PPP2R2B: variants seen among roughly 807,000 people sequenced by gnomAD.
The protein encoded by PPP2R2B is serine/threonine-protein phosphatase 2A 55 kDa regulatory subunit B beta isoform.
A neutral mutation model predicts 46.0 loss-of-function variants in PPP2R2B; 5 were observed. The ratio of observed to expected loss-of-function variants is 0.11; its 90% confidence interval spans 0.06 to 0.23. The LOEUF is 0.23. Among genes scored for constraint, PPP2R2B ranks in the 10% least tolerant of loss-of-function variants. PPP2R2B has a pLI of 1.00. For missense variants in PPP2R2B, 367 were observed against 575.0 expected (o/e 0.64, Z 3.70); for synonymous variants, 215 against 206.7 (o/e 1.04, Z -0.34).
chr5:147,008,042 ATTC>A (rs1302821633), intron 1 of PPP2R2B, among the ~76,000 whole-genome samples: 16 of 152,324 alleles, frequency 1.1e-4, no homozygotes, highest in African/African-American at 3.6e-4. Flanking sequence ...CTTTGGATCG[ATTC>A]TTCTTATTTA....
Position 146,940,286 on chromosome 5 carries a change from C to T in PPP2R2B, c.79+115379G>A, listed in dbSNP as rs76731372. Among the ~76,000 whole-genome samples the T allele has an allele frequency of 5.8e-3, 876 of 152,226 alleles. 29 individuals are homozygous for T. The East Asian group carries it at 0.068, about 12-fold the overall frequency. ...CAGATTCAGGCCTGGATGATTGAAG[C>T]GCCACATCTACTTGGCCAGGATAGT... On this transcript the variant is annotated intron_variant, in intron 1 of 8. Coordinates refer to the PPP2R2B transcript ENST00000336640.
chr5:146,888,393 A>G (rs1421860173), intron 1 of PPP2R2B, among the ~76,000 whole-genome samples: 2 of 151,978 alleles, frequency 1.3e-5, no homozygotes, highest in African/African-American at 4.8e-5. Flanking sequence ...ACTTTGAAAT[A>G]TGTCCAGAAT....
intron 1 of PPP2R2B, among the ~76,000 whole-genome samples, chr5:146,996,552 G>C (rs1034246742): frequency 5.3e-5 from 8 of 152,148 alleles, no homozygotes; most frequent in African/African-American, 1.7e-4. Flanking sequence ...TAGGAGTATG[G>C]TTTGCCCATA....
chr5:146,822,698 C>G (rs1049439801), intron 2 of PPP2R2B, among the ~76,000 whole-genome samples: 1 of 152,138 alleles, frequency 6.6e-6, no homozygotes, highest in Non-Finnish European at 1.5e-5. Context: ...CTTCCTCCCA[C>G]AGATTATTAT....
At chr5:146,799,128 G>A (rs1410423274) in intron 2 of PPP2R2B, among the ~76,000 whole-genome samples, 1 of 152,220 alleles carries the variant, frequency 6.6e-6, no homozygotes, top group East Asian at 1.9e-4. Flanking sequence ...CTTAGATGGA[G>A]TTATGATTTC....
chr5:146,719,803 T>TTTTTTTTTTTTTTTTTTTTTTTTTTG (rs1418579202), intron 2 of PPP2R2B, among the ~76,000 whole-genome samples: 2 of 152,022 alleles, frequency 1.3e-5, no homozygotes, highest in African/African-American at 4.8e-5. Flanking sequence ...AATGAGTTTC[T>TTTTTTTTTTTTTTTTTTTTTTTTTTG]ATCATCTAAA....
chr5:146,909,083 G>A (rs1763096791), intron 1 of PPP2R2B, among the ~76,000 whole-genome samples: 1 of 152,218 alleles, frequency 6.6e-6, no homozygotes, highest in Admixed American at 6.5e-5. Context: ...TTCCCCTGCA[G>A]CTAAGAGAGG....
intron 2 of PPP2R2B, among the ~76,000 whole-genome samples, chr5:146,701,768 T>C (rs1779552967): frequency 6.6e-6 from 1 of 152,108 alleles, no homozygotes; most frequent in African/African-American, 2.4e-5. Context: ...AGAAGGGTGC[T>C]GAGAAAACAA....
intron 4 of PPP2R2B, among the ~76,000 whole-genome samples, chr5:146,693,131 C>A (rs1778973122): frequency 6.6e-6 from 1 of 151,624 alleles, no homozygotes; most frequent in Admixed American, 6.6e-5. Context: ...CTCCTTCCTT[C>A]CCTCCCTCCC....
chr5:146,849,108 G>T (rs551387164), intron 2 of PPP2R2B, among the ~76,000 whole-genome samples: 2 of 151,794 alleles, frequency 1.3e-5, no homozygotes, highest in Non-Finnish European at 2.9e-5. Flanking sequence ...TTTGCTACTA[G>T]TAGCATCAGA....
intron 2 of PPP2R2B, among the ~76,000 whole-genome samples, chr5:146,718,290 A>C (rs1467926686): frequency 6.6e-6 from 1 of 152,078 alleles, no homozygotes; most frequent in Non-Finnish European, 1.5e-5. Context: ...CAGGAGGCTG[A>C]GGTGGGAAGA....
At chr5:147,017,428 G>A (rs1280506819) in intron 1 of PPP2R2B, among the ~76,000 whole-genome samples, 1 of 151,508 alleles carries the variant, frequency 6.6e-6, no homozygotes. Context: ...ATTCGAGCTG[G>A]AGATAACATT....
At chr5:146,930,008 C>T (rs556758520) in intron 1 of PPP2R2B, among the ~76,000 whole-genome samples, 5 of 152,260 alleles carry the variant, frequency 3.3e-5, no homozygotes, top group African/African-American at 4.8e-5. Context: ...GATTAGAAAT[C>T]GGTCCCTGGT....
In PPP2R2B at chr5:146,644,776, A is replaced by G. The variant is rs75601738; in HGVS notation, c.625+5771T>C. Among the ~76,000 whole-genome samples the G allele has an allele frequency of 6.3e-3, 964 of 152,332 alleles. 22 individuals carry two copies. Among genetic ancestry groups the G allele is most frequent in the Admixed American group, 0.041 (628 of 15,292 alleles). ...TTTGATTATTAAACAAGATAATGGA[A>G]AAGATAATTTAAGTGGTTTTACACT... is the stretch of plus-strand genomic sequence containing the variant. On this transcript the variant is annotated intron_variant, in intron 6 of 9. Coordinates refer to ENST00000394411, the MANE Select transcript of PPP2R2B (RefSeq NM_181675.4).
At chr5:146,851,311 A>G (rs139176364) in intron 2 of PPP2R2B, among the ~76,000 whole-genome samples, 452 of 152,290 alleles carry the variant, frequency 3.0e-3, no homozygotes, top group Non-Finnish European at 4.3e-3. Flanking sequence ...TATTTACTAG[A>G]TTCCAGGCAC....
At chr5:146,809,693 G>A (rs1757407446) in intron 2 of PPP2R2B, among the ~76,000 whole-genome samples, 1 of 152,198 alleles carries the variant, frequency 6.6e-6, no homozygotes, top group Non-Finnish European at 1.5e-5. Context: ...GTGAGTCTTG[G>A]TAAGGCGTTT....
chr5:146,837,904 A>G (rs1163650933), intron 2 of PPP2R2B, among the ~76,000 whole-genome samples: 1 of 152,154 alleles, frequency 6.6e-6, no homozygotes, highest in Non-Finnish European at 1.5e-5. Context: ...AGAGAAACTG[A>G]TTAAGCAGGG....
intron 5 of PPP2R2B, among the ~76,000 whole-genome samples, chr5:146,667,075 T>C (rs1294242819): frequency 2.0e-5 from 3 of 152,062 alleles, no homozygotes; most frequent in African/African-American, 7.2e-5. Flanking sequence ...GATAATTGGA[T>C]TTTTCTGTCT....
At chr5:147,080,852 G>T (rs949442526) in intron 2 of PPP2R2B, among the ~76,000 whole-genome samples, 7 of 151,904 alleles carry the variant, frequency 4.6e-5, no homozygotes, top group African/African-American at 1.7e-4. Flanking sequence ...GTTCATTTCA[G>T]TGCCGCTCAT....
Sources: gnomAD v4.1 joint callset for allele counts (sites outside exome capture counted in the v4.1 genomes callset) on GRCh38, gnomAD v4.1.1 for gene constraint, MANE v1.5 for transcripts, NCBI Gene and HGNC (gene_info 2026-07-23, HGNC 2026-07-21) for gene names.